Variants in WDR72 observed in about 807,000 individuals in gnomAD.
WDR72 encodes WD repeat domain 72.
In WDR72, 120 loss-of-function variants were observed where a neutral mutation model predicts 124.2. The observed-to-expected ratio is 0.97, with a 90% confidence interval of 0.83 to 1.12. The LOEUF (loss-of-function observed/expected upper bound fraction) is 1.12. WDR72 is among the 50% of genes most tolerant of loss of function. WDR72 has a pLI of 0.00. For missense variants in WDR72, 1,387 were observed against 1,278.8 expected (o/e 1.08, Z -1.29); for synonymous variants, 452 against 441.7 (o/e 1.02, Z -0.29).
chr15:53,552,870 A>G (rs951336880), intron 18 of WDR72, among the ~76,000 whole-genome samples: 31 of 151,972 alleles, frequency 2.0e-4, no homozygotes, highest in African/African-American at 7.2e-4. Context: ...GACTACCCAC[A>G]CTCAGGGGCC....
intron 13 of WDR72, among the ~76,000 whole-genome samples, chr15:53,686,641 A>G (rs570814339): frequency 5.4e-5 from 8 of 148,990 alleles, no homozygotes; most frequent in African/African-American, 2.1e-4. Context: ...TGTCAACGTT[A>G]GACAGATCAA....
At chr15:53,755,175 T>C (rs2018868013) in intron 1 of WDR72, among the ~76,000 whole-genome samples, 1 of 152,242 alleles carries the variant, frequency 6.6e-6, no homozygotes, top group Admixed American at 6.5e-5. Context: ...TTTATCTCTG[T>C]GATCTCACTG....
At chr15:53,599,326 A>T (rs1165528641) in intron 17 of WDR72, among the ~76,000 whole-genome samples, 1 of 152,072 alleles carries the variant, frequency 6.6e-6, no homozygotes, top group Non-Finnish European at 1.5e-5. Flanking sequence ...ATGTTATTTG[A>T]TATCACTGGT....
intron 14 of WDR72, among the ~76,000 whole-genome samples, chr15:53,656,754 T>TA (rs552293650): frequency 6.6e-6 from 1 of 152,144 alleles, no homozygotes; most frequent in South Asian, 2.1e-4. Flanking sequence ...CATTAGTCAT[T>TA]AAAAAAACAG....
chr15:53,761,837 C>CAATCAAACAAAAAA (rs56685517), upstream of WDR72, among the ~76,000 whole-genome samples: 139,114 of 152,006 alleles, frequency 0.92, 64,330 homozygotes, highest in South Asian at 0.98. Flanking sequence ...AAAACAAAAA[C>CAATCAAACAAAAAA]CCAAAGCAGA....
intron 18 of WDR72, among the ~76,000 whole-genome samples, chr15:53,568,986 TA>T: frequency 6.6e-6 from 1 of 152,204 alleles, no homozygotes; most frequent in Non-Finnish European, 1.5e-5. Flanking sequence ...ATGTTTAATT[TA>T]CCAGTTTTTC....
At chr15:53,575,131 A>C (rs1894703599) in intron 18 of WDR72, among the ~76,000 whole-genome samples, 1 of 151,300 alleles carries the variant, frequency 6.6e-6, no homozygotes, top group Non-Finnish European at 1.5e-5. Flanking sequence ...AAAGCAATGT[A>C]GTAAATTAGT....
intron 17 of WDR72, among the ~76,000 whole-genome samples, chr15:53,602,878 C>A (rs1335011435): frequency 6.6e-6 from 1 of 151,962 alleles, no homozygotes; most frequent in Non-Finnish European, 1.5e-5. Flanking sequence ...CAGGACCAGA[C>A]AGATTCACAG....
chr15:53,654,969 G>A (rs906324236), intron 14 of WDR72, among the ~76,000 whole-genome samples: 1 of 151,962 alleles, frequency 6.6e-6, no homozygotes, highest in African/African-American at 2.4e-5. Context: ...AGTGGCTCAC[G>A]CCTGTAATCC....
intron 18 of WDR72, among the ~76,000 whole-genome samples, chr15:53,577,992 T>A (rs74608916): frequency 0.018 from 2,692 of 152,298 alleles, 77 homozygotes; most frequent in African/African-American, 0.062. Flanking sequence ...TCAGTGGGTA[T>A]CTGCTTTCAA....
At chr15:53,559,652 G>T (rs371382013) in intron 18 of WDR72, among the ~76,000 whole-genome samples, 10 of 151,992 alleles carry the variant, frequency 6.6e-5, no homozygotes, top group Non-Finnish European at 1.3e-4. Flanking sequence ...AAACCAATAG[G>T]AAATTTCCGT....
At chr15:53,686,715 T>C (rs2016642457) in intron 13 of WDR72, among the ~76,000 whole-genome samples, 1 of 149,724 alleles carries the variant, frequency 6.7e-6, no homozygotes. Context: ...GTGGACCTAA[T>C]AGACATCTAC....
intron 1 of WDR72, among the ~76,000 whole-genome samples, chr15:53,748,796 C>T (rs2140891887): frequency 6.6e-6 from 1 of 152,292 alleles, no homozygotes; most frequent in African/African-American, 2.4e-5. Flanking sequence ...CAGATTTCAT[C>T]TTCTATCAAC....
chr15:53,524,883 C>A (rs925056294), intron 18 of WDR72, among the ~76,000 whole-genome samples: 1 of 152,060 alleles, frequency 6.6e-6, no homozygotes, highest in Non-Finnish European at 1.5e-5. Flanking sequence ...CTTGAAGGAT[C>A]TGTGAAATGA....
intron 14 of WDR72, among the ~76,000 whole-genome samples, chr15:53,628,309 A>C (rs917602324): frequency 2.6e-5 from 4 of 152,138 alleles, no homozygotes; most frequent in African/African-American, 9.7e-5. Flanking sequence ...AAAATTATGA[A>C]ATTTAAACTA....
chr15:53,620,846 A>C (rs2013962398), intron 14 of WDR72, among the ~76,000 whole-genome samples: 1 of 152,166 alleles, frequency 6.6e-6, no homozygotes, highest in African/African-American at 2.4e-5. Flanking sequence ...AGGAACAGTC[A>C]GCAGAGTAAA....
chr15:53,577,357 T>C (rs141248071), intron 18 of WDR72, among the ~76,000 whole-genome samples: 3 of 152,250 alleles, frequency 2.0e-5, no homozygotes, highest in African/African-American at 7.2e-5. Flanking sequence ...GGTTCTATCA[T>C]TGAAGTCTCA....
At chr15:53,557,344 T>C (rs935807005) in intron 18 of WDR72, among the ~76,000 whole-genome samples, 40 of 152,068 alleles carry the variant, frequency 2.6e-4, no homozygotes, top group Admixed American at 2.5e-3. Context: ...ACTGCTGCCT[T>C]TAGTATGATA....
intron 14 of WDR72, among the ~76,000 whole-genome samples, chr15:53,620,596 T>G (rs377693578): frequency 6.6e-6 from 1 of 152,174 alleles, no homozygotes; most frequent in East Asian, 1.9e-4. Context: ...GCAAGCCACA[T>G]GAAGGTGAAT....
Sources: allele counts gnomAD v4.1 joint callset (sites outside exome capture counted in the v4.1 genomes callset), GRCh38; gene constraint gnomAD v4.1.1; transcripts MANE v1.5; gene names NCBI Gene and HGNC (gene_info 2026-07-23, HGNC 2026-07-21).